Variants in EPHA3 observed in about 807,000 individuals in gnomAD.
The protein encoded by EPHA3 is ephrin type-A receptor 3.
EPHA3 carries 42 observed loss-of-function variants against 107.1 expected under a neutral mutation model. That is an observed-to-expected ratio of 0.39 (90% CI 0.31 to 0.51). EPHA3 has a LOEUF of 0.51. Ranked by LOEUF, EPHA3 falls within the 20% of genes least tolerant of loss-of-function variation. EPHA3 has a pLI of 0.78. For synonymous variants in EPHA3, 461 were observed against 424.8 expected (o/e 1.09, Z -1.05); for missense variants, 1,183 against 1,211.2 (o/e 0.98, Z 0.35).
At chr3:89,128,364 T>C (rs550657253) in intron 2 of EPHA3, among the ~76,000 whole-genome samples, 2 of 151,924 alleles carry the variant, frequency 1.3e-5, no homozygotes, top group East Asian at 3.9e-4. Flanking sequence ...GAGGAGAGAG[T>C]ATGAAGTAAG....
chr3:89,164,909 CAG>C (rs1345185618), intron 2 of EPHA3, among the ~76,000 whole-genome samples: 1 of 152,170 alleles, frequency 6.6e-6, no homozygotes, highest in East Asian at 1.9e-4. Context: ...CACAACTACA[CAG>C]AGACAACTTG....
intron 3 of EPHA3, among the ~76,000 whole-genome samples, chr3:89,264,946 G>C (rs1705501682): frequency 6.6e-6 from 1 of 152,072 alleles, no homozygotes; most frequent in South Asian, 2.1e-4. Context: ...TATATAGTAG[G>C]TGAATATATT....
intron 3 of EPHA3, among the ~76,000 whole-genome samples, chr3:89,297,353 G>A (rs1178340872): frequency 2.0e-5 from 3 of 152,110 alleles, no homozygotes; most frequent in African/African-American, 4.8e-5. Context: ...GGCCATTGCA[G>A]GGTTATGAAT....
At chr3:89,237,618 C>T (rs1453942665) in intron 3 of EPHA3, among the ~76,000 whole-genome samples, 1 of 151,966 alleles carries the variant, frequency 6.6e-6, no homozygotes, top group Non-Finnish European at 1.5e-5. Context: ...CCAAGAATAA[C>T]TTTTATCTGT....
At chr3:89,148,477 C>G (rs1704617229) in intron 2 of EPHA3, among the ~76,000 whole-genome samples, 1 of 151,812 alleles carries the variant, frequency 6.6e-6, no homozygotes, top group Non-Finnish European at 1.5e-5. Flanking sequence ...ATGACAATAT[C>G]AAAAGTTATA....
intron 2 of EPHA3, among the ~76,000 whole-genome samples, chr3:89,189,176 C>G (rs932739719): frequency 6.6e-6 from 1 of 152,154 alleles, no homozygotes; most frequent in Non-Finnish European, 1.5e-5. Context: ...ATTGTCCTTA[C>G]CTTATGAAAT....
chr3:89,337,239 T>C (rs1707414042), intron 3 of EPHA3, among the ~76,000 whole-genome samples: 1 of 152,184 alleles, frequency 6.6e-6, no homozygotes, highest in African/African-American at 2.4e-5. Flanking sequence ...CAGTTTAGAA[T>C]TGGTAGAAAA....
intron 11 of EPHA3, 32 bp downstream of exon 11, chr3:89,419,422 C>T (rs191516124): frequency 2.1e-4 from 315 of 1,515,362 alleles, no homozygotes; most frequent in Non-Finnish European, 2.6e-4. Flanking sequence ...CCTGTGTTTC[C>T]GTATGTTGAG....
chr3:89,356,728 C>T (rs1463276142), intron 5 of EPHA3, among the ~76,000 whole-genome samples: 1 of 150,978 alleles, frequency 6.6e-6, no homozygotes, highest in Non-Finnish European at 1.5e-5. Flanking sequence ...AGGTGCCCTA[C>T]ATAGGATGTA....
At chr3:89,110,779 C>G (rs1250122040) in intron 1 of EPHA3, among the ~76,000 whole-genome samples, 32 of 151,874 alleles carry the variant, frequency 2.1e-4, no homozygotes. Flanking sequence ...TAATGGTAAA[C>G]AGAAATAACA....
chr3:89,145,777 G>T (rs1007922648), intron 2 of EPHA3, among the ~76,000 whole-genome samples: 1 of 150,986 alleles, frequency 6.6e-6, no homozygotes, highest in African/African-American at 2.4e-5. Flanking sequence ...TTTTTCTCAA[G>T]TGTGTCTAGA....
chr3:89,250,994 A>G (rs1474077939), intron 3 of EPHA3, among the ~76,000 whole-genome samples: 1 of 152,178 alleles, frequency 6.6e-6, no homozygotes, highest in Non-Finnish European at 1.5e-5. Flanking sequence ...AACATCTTTC[A>G]TGGAACTGCT....
At chr3:89,232,608 C>A (rs557388407) in intron 3 of EPHA3, among the ~76,000 whole-genome samples, 2 of 151,960 alleles carry the variant, frequency 1.3e-5, no homozygotes, top group African/African-American at 2.4e-5. Context: ...ACTAGTGGGG[C>A]AAGGTGAAGT....
At chr3:89,398,114 T>C (rs1390334247) in intron 6 of EPHA3, among the ~76,000 whole-genome samples, 1 of 152,194 alleles carries the variant, frequency 6.6e-6, no homozygotes, top group Non-Finnish European at 1.5e-5. Flanking sequence ...GGTCTAGATT[T>C]CTGGACTGGT....
intron 2 of EPHA3, among the ~76,000 whole-genome samples, chr3:89,192,025 C>A (rs1269364296): frequency 5.3e-5 from 8 of 152,136 alleles, no homozygotes; most frequent in South Asian, 2.1e-4. Context: ...CGGGACCTTC[C>A]TTAATCTTTT....
At chr3:89,132,335 G>A (rs1482682718) in intron 2 of EPHA3, among the ~76,000 whole-genome samples, 1 of 152,156 alleles carries the variant, frequency 6.6e-6, no homozygotes, top group Admixed American at 6.5e-5. Context: ...CAAATAAAAG[G>A]CATCCTTACA....
chr3:89,339,143 C>A (rs1404482239), intron 3 of EPHA3, among the ~76,000 whole-genome samples: 2 of 151,938 alleles, frequency 1.3e-5, no homozygotes, highest in Non-Finnish European at 2.9e-5. Flanking sequence ...GAGGCCGAGG[C>A]GGGCGGATCA....
At chr3:89,231,909 G>A (rs1303213818) in intron 3 of EPHA3, among the ~76,000 whole-genome samples, 1 of 152,124 alleles carries the variant, frequency 6.6e-6, no homozygotes, top group African/African-American at 2.4e-5. Context: ...GATTAGAAAG[G>A]TTATGATCTA....
intron 2 of EPHA3, among the ~76,000 whole-genome samples, chr3:89,199,587 T>C (rs1397679024): frequency 1.3e-5 from 2 of 152,208 alleles, no homozygotes; most frequent in East Asian, 3.8e-4. Context: ...TGAATACTTT[T>C]AATAATTTTT....
Sources: allele counts gnomAD v4.1 joint callset (sites outside exome capture counted in the v4.1 genomes callset), GRCh38; gene constraint gnomAD v4.1.1; transcripts MANE v1.5; gene names NCBI Gene and HGNC (gene_info 2026-07-23, HGNC 2026-07-21).